The following SPATA1 variants were observed in gnomAD, a reference collection of about 807,000 sequenced individuals.
SPATA1 encodes the protein spermatogenesis-associated protein 1.
A neutral mutation model predicts 59.6 loss-of-function variants in SPATA1; 57 were observed. The ratio of observed to expected loss-of-function variants is 0.96; its 90% CI spans 0.77 to 1.19. The LOEUF (loss-of-function observed/expected upper bound fraction) is 1.19. Ranked by LOEUF, SPATA1 falls within the 50% of genes most tolerant of loss-of-function variation. The pLI is 0.00. For missense variants in SPATA1, 448 were observed against 480.7 expected, an observed-to-expected ratio of 0.93 and a Z score of 0.64; for synonymous variants, 147 against 163.9, an observed-to-expected ratio of 0.90 and a Z score of 0.79.
chr1:84,549,719 C>A (rs1558615293), intron 11 of SPATA1: 1 of 151,964 alleles, frequency 6.6e-6, no homozygotes, highest in Non-Finnish European at 1.5e-5. Flanking sequence ...ATCAATCCCA[C>A]TTATCCAAAA....
At chr1:84,545,820 C>T in intron 10 of SPATA1, 61 bp downstream of exon 10, 1 of 1,177,832 alleles carries the variant, frequency 8.5e-7, no homozygotes, top group Non-Finnish European at 1.1e-6. Context: ...CAGAATTGAT[C>T]CTTTTAGAAT....
At chr1:84,509,252 C>T (rs1452125922) in intron 1 of SPATA1, among the ~76,000 whole-genome samples, 2 of 151,058 alleles carry the variant, frequency 1.3e-5, no homozygotes, top group Non-Finnish European at 3.0e-5. Flanking sequence ...ATAGAGAACC[C>T]AGAAACAAAT....
chr1:84,526,526 C>G (rs1483310274), intron 6 of SPATA1, among the ~76,000 whole-genome samples: 1 of 152,012 alleles, frequency 6.6e-6, no homozygotes, highest in Non-Finnish European at 1.5e-5. Flanking sequence ...AATTTTTTAT[C>G]TGATTACACC....
Position 84,514,575 on chromosome 1 carries a change from T to G in SPATA1, c.-137-1648T>G, listed in dbSNP as rs112677340. Among the ~76,000 whole-genome samples the G allele has an allele frequency of 1.8e-4, 28 of 152,330 alleles. 1 individual carries two copies. Among genetic ancestry groups the G allele is most frequent in the African/African-American group, 6.3e-4 (26 of 41,564 alleles). ...CATTGCAGATTTCAGATTTTAAAAT[T>G]ACGGATACTCAACCTGTATAGTGGG... On this transcript the variant is annotated intron_variant, in intron 1 of 12. Coordinates refer to ENST00000490879, the Ensembl canonical transcript of SPATA1.
At chr1:84,557,559 A>G (rs1238885081), downstream of SPATA1, among the ~76,000 whole-genome samples, 1 of 149,074 alleles carries the variant, frequency 6.7e-6, no homozygotes, top group Non-Finnish European at 1.5e-5. Flanking sequence ...AAAAAGAAAA[A>G]AAAAAAAAGA....
exon 13 of SPATA1, chr1:84,554,138 A>G (rs1016253139): frequency 6.6e-6 from 1 of 152,124 alleles, no homozygotes; most frequent in Non-Finnish European, 1.5e-5. Context: ...AAAAAGATAC[A>G]TTGCAGATGT....
chr1:84,521,061 T>C (rs1297093237), intron 3 of SPATA1, among the ~76,000 whole-genome samples: 1 of 151,798 alleles, frequency 6.6e-6, no homozygotes, highest in Admixed American at 6.6e-5. Context: ...CAGTGAGCCA[T>C]GATTGCAGCA....
chr1:84,548,781 T>TTTG lies in SPATA1; in HGVS notation c.947-5_947-4insTTG. On this transcript the variant is annotated splice_region_variant and splice_polypyrimidine_tract_variant and intron_variant, in intron 10 of 12. Coordinates refer to ENST00000490879, the Ensembl canonical transcript of SPATA1. ...TTTTTTTTTTTTTTTTTTTTTTTTT[T>TTTG]ATAGCCTACAATGGTTGGAAGAAAA... 1.3e-6 allele frequency: 1 copy of TTTG among 762,504 alleles called. No individual in the cohort carries two copies. The highest frequency in any genetic ancestry group is 1.6e-6 in the Non-Finnish European group (1 of 606,970). 47.2% of individuals were successfully genotyped at this position (762,504 alleles called of 1,614,324 possible). A position where few individuals can be genotyped will look rare whatever the true frequency, so the allele number is the denominator to read the frequency against.
At chr1:84,556,589 G>A (rs377103488), downstream of SPATA1, among the ~76,000 whole-genome samples, 4 of 151,738 alleles carry the variant, frequency 2.6e-5, no homozygotes, top group East Asian at 7.7e-4. Context: ...GTGCATGCCT[G>A]TAGTCCCAGC....
intron 1 of SPATA1, among the ~76,000 whole-genome samples, chr1:84,511,164 G>C (rs1682525004): frequency 6.6e-6 from 1 of 152,142 alleles, no homozygotes; most frequent in Non-Finnish European, 1.5e-5. Flanking sequence ...TGGATTTTTT[G>C]TAAAACAAAC....
At chr1:84,535,236 A>G (rs1683626965) in intron 8 of SPATA1, among the ~76,000 whole-genome samples, 1 of 152,092 alleles carries the variant, frequency 6.6e-6, no homozygotes, top group Admixed American at 6.5e-5. Flanking sequence ...TATCTTCATT[A>G]CTGAGGCTTT....
At chr1:84,543,953 G>A (rs938702461) in intron 8 of SPATA1, among the ~76,000 whole-genome samples, 1 of 152,172 alleles carries the variant, frequency 6.6e-6, no homozygotes, top group Admixed American at 6.5e-5. Flanking sequence ...AGGAAATCAT[G>A]TTTAGAAAGA....
At chr1:84,507,552 T>C (rs1682324432) in intron 1 of SPATA1, among the ~76,000 whole-genome samples, 1 of 152,228 alleles carries the variant, frequency 6.6e-6, no homozygotes, top group African/African-American at 2.4e-5. Flanking sequence ...GTAAAAAGAA[T>C]GTGAAAGCTA....
intron 10 of SPATA1, among the ~76,000 whole-genome samples, chr1:84,548,015 T>C (rs1238051570): frequency 6.6e-6 from 1 of 152,304 alleles, no homozygotes; most frequent in East Asian, 1.9e-4. Context: ...GGATGTAGCA[T>C]TGAAGAAGGT....
chr1:84,539,449 T>C (rs566198235), intron 8 of SPATA1, among the ~76,000 whole-genome samples: 2 of 152,364 alleles, frequency 1.3e-5, no homozygotes, highest in African/African-American at 4.8e-5. Flanking sequence ...CCAAGACATT[T>C]CCTGTTACTC....
intron 1 of SPATA1, among the ~76,000 whole-genome samples, chr1:84,511,752 G>T (rs1449936132): frequency 2.1e-5 from 3 of 145,834 alleles, no homozygotes; most frequent in African/African-American, 7.8e-5. Context: ...CGTGATCTCG[G>T]CTCACTGCAA....
chr1:84,522,391 G>A, exon 4 of SPATA1: 2 of 1,442,504 alleles, frequency 1.4e-6, no homozygotes, highest in Non-Finnish European at 1.8e-6. Flanking sequence ...ATATTTCAGA[G>A]TATCTCCTCA....
chr1:84,517,178 G>A (rs1435456278), intron 2 of SPATA1, among the ~76,000 whole-genome samples: 1 of 152,008 alleles, frequency 6.6e-6, no homozygotes, highest in Non-Finnish European at 1.5e-5. Flanking sequence ...CTTGACATAG[G>A]CTTCGCTAGG....
intron 8 of SPATA1, among the ~76,000 whole-genome samples, chr1:84,541,428 C>A (rs937951787): frequency 1.3e-5 from 2 of 150,970 alleles, no homozygotes; most frequent in African/African-American, 4.9e-5. Context: ...GTTTCACTTT[C>A]TTGGCTCCTT....
Sources: allele counts gnomAD v4.1 joint callset (sites outside exome capture counted in the v4.1 genomes callset), GRCh38; gene constraint gnomAD v4.1.1; transcripts MANE v1.5; gene names NCBI Gene and HGNC (gene_info 2026-07-23, HGNC 2026-07-21).